The following PDE7B variants were observed in gnomAD, a reference collection of about 807,000 sequenced individuals.
PDE7B encodes the protein 3',5'-cyclic-AMP phosphodiesterase 7B.
In PDE7B, 29 loss-of-function variants were observed where a neutral mutation model predicts 56.2. The ratio of observed to expected loss-of-function variants is 0.52; its 90% CI spans 0.38 to 0.70. The LOEUF is 0.70. Among genes scored for constraint, PDE7B ranks in the 30% least tolerant of loss-of-function variants. The pLI is 0.00. For synonymous variants in PDE7B, 197 were observed against 196.9 expected, an observed-to-expected ratio of 1.00 and a Z score of 0.00; for missense variants, 490 against 565.0, an observed-to-expected ratio of 0.87 and a Z score of 1.35.
At chr6:135,869,223 G>A (rs1339223052) in intron 1 of PDE7B, among the ~76,000 whole-genome samples, 1 of 152,082 alleles carries the variant, frequency 6.6e-6, no homozygotes, top group East Asian at 1.9e-4. Flanking sequence ...GAAAGTATCT[G>A]TAATTTGCAC....
rs759057800 is a variant in PDE7B, at chr6:136,191,712, A to C, written c.1225A>C (p.Asn409His). 1 of 1,612,776 alleles carries C rather than the reference A, an allele frequency of 6.2e-7. No homozygotes were observed. The highest frequency in any genetic ancestry group is 1.1e-5 in the South Asian group (1 of 90,746). ...SENMLGHLAH[N>H]KAQWKSLLPR... ...GAACATGCTGGGCCACCTCGCACAC[A>C]ACAAGGCCCAGTGGAAGAGCCTGTT... The change falls in exon 13 of 13, where the codon AAC becomes CAC. Residue 409 changes from asparagine to histidine, a missense_variant. Physicochemically the swap from Asn to His is moderately conservative, Grantham distance 68. Transcript: ENST00000308191.
chr6:136,048,829 T>G (rs537521632), intron 2 of PDE7B, among the ~76,000 whole-genome samples: 158 of 152,294 alleles, frequency 1.0e-3, no homozygotes, highest in Non-Finnish European at 1.9e-3. Flanking sequence ...TGCTGAATAT[T>G]TTCTCTTCAA....
At chr6:135,867,164 G>A (rs1209098183) in intron 1 of PDE7B, among the ~76,000 whole-genome samples, 6 of 152,258 alleles carry the variant, frequency 3.9e-5, no homozygotes, top group African/African-American at 1.4e-4. Context: ...GAAAGTATAT[G>A]TGTGTAGAAG....
At chr6:135,900,835 G>T (rs1345273126) in intron 1 of PDE7B, among the ~76,000 whole-genome samples, 1 of 151,988 alleles carries the variant, frequency 6.6e-6, no homozygotes, top group Non-Finnish European at 1.5e-5. Context: ...TTTCAGTGTT[G>T]ATCGTGGCAG....
intron 2 of PDE7B, among the ~76,000 whole-genome samples, chr6:135,980,042 A>G (rs1468241552): frequency 2.6e-5 from 4 of 152,160 alleles, no homozygotes; most frequent in Non-Finnish European, 4.4e-5. Flanking sequence ...TTCAAACTAT[A>G]CTACAAGGCT....
intron 2 of PDE7B, among the ~76,000 whole-genome samples, chr6:135,955,333 G>A (rs1774772931): frequency 6.6e-6 from 1 of 151,996 alleles, no homozygotes; most frequent in Non-Finnish European, 1.5e-5. Context: ...TGCAAGACAT[G>A]GTAAGGAGCT....
At chr6:135,885,605 A>G (rs1583737844) in intron 1 of PDE7B, among the ~76,000 whole-genome samples, 1 of 152,326 alleles carries the variant, frequency 6.6e-6, no homozygotes, top group East Asian at 1.9e-4. Context: ...TTCTGCTATT[A>G]AGTGTAACCC....
chr6:135,905,668 C>T (rs1776086377), intron 1 of PDE7B, among the ~76,000 whole-genome samples: 1 of 152,168 alleles, frequency 6.6e-6, no homozygotes, highest in Non-Finnish European at 1.5e-5. Context: ...TGAATGCCTT[C>T]CTAACAGTCA....
intron 5 of PDE7B, 141 bp from the exon 6 acceptor site, chr6:136,151,019 A>G (rs1257546207): frequency 3.5e-6 from 2 of 577,224 alleles, no homozygotes; most frequent in African/African-American, 3.9e-5. Flanking sequence ...AATATGCTCT[A>G]TCCTTGAATA....
intron 1 of PDE7B, among the ~76,000 whole-genome samples, chr6:135,925,024 A>T (rs563254622): frequency 1.3e-5 from 2 of 150,718 alleles, no homozygotes; most frequent in African/African-American, 4.9e-5. Flanking sequence ...AAAATGGGGA[A>T]AATCTTGTTT....
intron 2 of PDE7B, among the ~76,000 whole-genome samples, chr6:136,074,634 A>G (rs558568477): frequency 6.6e-6 from 1 of 152,188 alleles, no homozygotes; most frequent in South Asian, 2.1e-4. Flanking sequence ...CATGAGCTCA[A>G]TTGCTTCATT....
At chr6:136,185,591 T>TAA (rs573077556) in intron 11 of PDE7B, among the ~76,000 whole-genome samples, 1 of 149,334 alleles carries the variant, frequency 6.7e-6, no homozygotes, top group Non-Finnish European at 1.5e-5. Flanking sequence ...TATCTCTATT[T>TAA]AAAAAAAAAA....
chr6:135,944,151 G>A (rs9389347), intron 1 of PDE7B, among the ~76,000 whole-genome samples: 44,643 of 152,090 alleles, frequency 0.29, 8,099 homozygotes, highest in Admixed American at 0.47. Context: ...GCAGCAGGGT[G>A]CTTGCATGGG....
intron 3 of PDE7B, among the ~76,000 whole-genome samples, chr6:136,135,156 T>C (rs1015219355): frequency 6.6e-6 from 1 of 152,250 alleles, no homozygotes; most frequent in East Asian, 1.9e-4. Flanking sequence ...AAGGCTTTAA[T>C]ACATTCTATT....
chr6:135,867,337 T>C (rs1775280471), intron 1 of PDE7B, among the ~76,000 whole-genome samples: 2 of 152,188 alleles, frequency 1.3e-5, no homozygotes, highest in African/African-American at 2.4e-5. Context: ...AGAGAGTCAA[T>C]GTTCAACAAT....
intron 2 of PDE7B, among the ~76,000 whole-genome samples, chr6:135,991,435 AT>A (rs1018870204): frequency 6.6e-6 from 1 of 151,966 alleles, no homozygotes; most frequent in Non-Finnish European, 1.5e-5. Context: ...TTAAAATAAA[AT>A]TTTTAAAAAA....
intron 1 of PDE7B, among the ~76,000 whole-genome samples, chr6:135,920,090 T>A (rs1418465554): frequency 2.0e-5 from 3 of 152,192 alleles, no homozygotes; most frequent in East Asian, 1.9e-4. Flanking sequence ...TCAGATTTTT[T>A]AAAAAGTGAT....
At chr6:136,174,319 A>C (rs928843188) in intron 9 of PDE7B, among the ~76,000 whole-genome samples, 2 of 152,202 alleles carry the variant, frequency 1.3e-5, no homozygotes, top group African/African-American at 4.8e-5. Context: ...CTCAGCAAAA[A>C]TAGAAGTCAG....
chr6:136,011,318 T>G (rs986798979), intron 2 of PDE7B, among the ~76,000 whole-genome samples: 1 of 152,154 alleles, frequency 6.6e-6, no homozygotes, highest in Non-Finnish European at 1.5e-5. Flanking sequence ...TTTAGTCACC[T>G]CCCTTCTCAA....
Sources: allele counts gnomAD v4.1 joint callset (sites outside exome capture counted in the v4.1 genomes callset), GRCh38; gene constraint gnomAD v4.1.1; transcripts MANE v1.5; gene names NCBI Gene and HGNC (gene_info 2026-07-23, HGNC 2026-07-21).